The following GLIS3 variants were observed in gnomAD, a reference collection of about 807,000 sequenced individuals.
GLIS3 encodes zinc finger protein GLIS3.
GLIS3 carries 53 observed loss-of-function variants against 78.6 expected under a neutral mutation model. The observed-to-expected ratio is 0.67, with a 90% CI of 0.54 to 0.85. The LOEUF (loss-of-function observed/expected upper bound fraction) is 0.85. Ranked by LOEUF, GLIS3 falls within the 40% of genes least tolerant of loss-of-function variation. The pLI is 0.00. For missense variants in GLIS3, 1,703 were observed against 1,231.1 expected (o/e 1.38, Z -5.74); for synonymous variants, 684 against 509.9 (o/e 1.34, Z -4.60).
the GLIS3 span, among the ~76,000 whole-genome samples, chr9:4,407,520 G>A: frequency 1.0e-3 from 158 of 152,286 alleles, 1 homozygote; most frequent in African/African-American, 3.5e-3. Context: ...GGTGGCGGGC[G>A]CCTGTAGTCC....
chr9:4,048,204 G>T (rs1825413454), intron 4 of GLIS3, among the ~76,000 whole-genome samples: 1 of 152,148 alleles, frequency 6.6e-6, no homozygotes, highest in Admixed American at 6.5e-5. Flanking sequence ...TGTAGGGCTG[G>T]CTATAGTTAA....
the GLIS3 span, among the ~76,000 whole-genome samples, chr9:4,489,234 T>A: frequency 6.6e-6 from 1 of 152,170 alleles, no homozygotes; most frequent in Non-Finnish European, 1.5e-5. Context: ...TAACCTTCTT[T>A]CTCTCAAAGT....
chr9:4,248,708 G>C (rs1174789411), intron 2 of GLIS3, among the ~76,000 whole-genome samples: 3 of 152,198 alleles, frequency 2.0e-5, no homozygotes, highest in African/African-American at 7.2e-5. Flanking sequence ...CCCACCAACA[G>C]TGTAAAAGCA....
At chr9:4,139,704 G>A (rs1032347563) in intron 2 of GLIS3, among the ~76,000 whole-genome samples, 1 of 152,160 alleles carries the variant, frequency 6.6e-6, no homozygotes, top group Non-Finnish European at 1.5e-5. Flanking sequence ...GGATGAAACT[G>A]TTCCACCTCA....
intron 2 of GLIS3, among the ~76,000 whole-genome samples, chr9:4,189,878 G>A (rs1818169510): frequency 6.6e-6 from 1 of 151,680 alleles, no homozygotes; most frequent in Non-Finnish European, 1.5e-5. Flanking sequence ...TTTATTATGA[G>A]CCTATGTGTG....
intron 8 of GLIS3, among the ~76,000 whole-genome samples, chr9:3,857,926 C>G (rs141667005): frequency 2.6e-5 from 4 of 152,112 alleles, no homozygotes; most frequent in African/African-American, 9.6e-5. Context: ...TGTGGGAGAG[C>G]GATGAGCAAT....
At chr9:4,365,033 A>T in the GLIS3 span, among the ~76,000 whole-genome samples, 1 of 152,148 alleles carries the variant, frequency 6.6e-6, no homozygotes, top group African/African-American at 2.4e-5. Context: ...TTATGAAAAA[A>T]GTCCATGCTC....
At chr9:3,895,703 G>A (rs2130578734) in intron 7 of GLIS3, among the ~76,000 whole-genome samples, 1 of 152,306 alleles carries the variant, frequency 6.6e-6, no homozygotes, top group South Asian at 2.1e-4. Context: ...CATCTTCCCT[G>A]TTCATCTTCA....
At chr9:4,437,288 A>T in the GLIS3 span, among the ~76,000 whole-genome samples, 1 of 152,182 alleles carries the variant, frequency 6.6e-6, no homozygotes, top group Non-Finnish European at 1.5e-5. Flanking sequence ...TATATGCAAA[A>T]CCACAAGGAA....
At chr9:4,243,525 C>A (rs552724780) in intron 2 of GLIS3, among the ~76,000 whole-genome samples, 6 of 152,262 alleles carry the variant, frequency 3.9e-5, no homozygotes, top group African/African-American at 1.4e-4. Context: ...ATTCTCTCTA[C>A]TTAGTAGATT....
chr9:3,862,637 A>G (rs890554348), intron 8 of GLIS3, among the ~76,000 whole-genome samples: 11 of 152,146 alleles, frequency 7.2e-5, no homozygotes, highest in African/African-American at 2.7e-4. Context: ...CCAGCAGTGC[A>G]GGACTGTGTG....
intron 1 of GLIS3, among the ~76,000 whole-genome samples, chr9:4,295,133 C>T (rs1816367480): frequency 6.6e-6 from 1 of 152,098 alleles, no homozygotes; most frequent in Non-Finnish European, 1.5e-5. Flanking sequence ...ATGAAAAATC[C>T]CAGCTAAAAG....
chr9:3,967,586 T>G (rs1295089001), intron 4 of GLIS3, among the ~76,000 whole-genome samples: 1 of 152,178 alleles, frequency 6.6e-6, no homozygotes, highest in Admixed American at 6.5e-5. Flanking sequence ...CTTAATGTGT[T>G]ACAGGGGCAG....
At chr9:4,265,763 C>A (rs1187262257) in intron 2 of GLIS3, among the ~76,000 whole-genome samples, 3 of 152,218 alleles carry the variant, frequency 2.0e-5, no homozygotes, top group Admixed American at 1.3e-4. Flanking sequence ...CGTGCCATTT[C>A]ATCATCATAT....
chr9:4,428,176 AAAT>A, the GLIS3 span, among the ~76,000 whole-genome samples: 1 of 151,362 alleles, frequency 6.6e-6, no homozygotes. Context: ...TGCCTACCAA[AAAT>A]AATAATAATA....
chr9:3,916,601 G>A (rs1468687172), intron 6 of GLIS3, among the ~76,000 whole-genome samples: 4 of 152,140 alleles, frequency 2.6e-5, no homozygotes, highest in East Asian at 1.9e-4. Context: ...AAATTGCAGC[G>A]CTGCATGGTG....
chr9:4,388,568 C>T, the GLIS3 span, among the ~76,000 whole-genome samples: 2 of 151,948 alleles, frequency 1.3e-5, no homozygotes, highest in Non-Finnish European at 2.9e-5. Flanking sequence ...CCCAGCTACG[C>T]AGGAGGCTGA....
chr9:4,191,350 G>T (rs554736253), intron 2 of GLIS3, among the ~76,000 whole-genome samples: 2 of 152,248 alleles, frequency 1.3e-5, no homozygotes, highest in South Asian at 4.2e-4. Context: ...TAGAGTTGAT[G>T]AAATAAGATT....
At chr9:4,334,791 G>A (rs28558845) in intron 2 of GLIS3, among the ~76,000 whole-genome samples, 1 of 152,008 alleles carries the variant, frequency 6.6e-6, no homozygotes, top group African/African-American at 2.4e-5. Flanking sequence ...GCTTGTCCAA[G>A]GCCATTTTGT....
Sources: gnomAD v4.1 joint callset for allele counts (sites outside exome capture counted in the v4.1 genomes callset) on GRCh38, gnomAD v4.1.1 for gene constraint, MANE v1.5 for transcripts, NCBI Gene and HGNC (gene_info 2026-07-23, HGNC 2026-07-21) for gene names.